Variants in FBXL13 observed in about 807,000 individuals in gnomAD.
FBXL13 encodes F-box and leucine rich repeat protein 13.
FBXL13 carries 67 observed loss-of-function variants against 83.6 expected under a neutral mutation model. The observed-to-expected ratio is 0.80, with a 90% CI of 0.66 to 0.98. The LOEUF is 0.98. Ranked by LOEUF, FBXL13 falls within the 50% of genes least tolerant of loss-of-function variation. FBXL13 has a pLI of 0.00. For synonymous variants in FBXL13, 272 were observed against 299.5 expected, an observed-to-expected ratio of 0.91 and a Z score of 0.95; for missense variants, 822 against 866.5, an observed-to-expected ratio of 0.95 and a Z score of 0.64.
Position 102,834,099 on chromosome 7 carries a change from A to G in FBXL13, c.1720-1125T>C, listed in dbSNP as rs1295554096. On this transcript the variant is annotated intron_variant, in intron 17 of 19. Transcript: ENST00000313221. ...AAGGAAGGAAAGAAAAGAAAGAAAGAAAGAAAGAAAGAAAGAAAGAAAGAA... is the reference window on the plus strand; with the variant it reads ...AAGGAAGGAAAGAAAAGAAAGAAAGGAAGAAAGAAAGAAAGAAAGAAAGAA... Among the ~76,000 whole-genome samples the G allele has an allele frequency of 8.8e-3, 852 of 96,320 alleles. 10 individuals carry two copies. Among genetic ancestry groups the G allele is most frequent in the Non-Finnish European group, 0.011 (553 of 50,776 alleles). The allele number at this position is 96,320 out of a possible 152,430, so 63.2% of individuals were successfully genotyped here.
At chr7:102,865,723 T>A (rs981270657) in intron 16 of FBXL13, among the ~76,000 whole-genome samples, 3 of 152,088 alleles carry the variant, frequency 2.0e-5, no homozygotes, top group Admixed American at 1.3e-4. Flanking sequence ...TGTTTTTTTT[T>A]TTAGTAGAGA....
chr7:103,039,478 A>G (rs1795426427), intron 2 of FBXL13, among the ~76,000 whole-genome samples: 1 of 152,158 alleles, frequency 6.6e-6, no homozygotes, highest in Non-Finnish European at 1.5e-5. Context: ...ACAGACACCA[A>G]CACAAAGATA....
chr7:102,912,683 C>A (rs934836855), intron 11 of FBXL13, among the ~76,000 whole-genome samples: 10 of 126,350 alleles, frequency 7.9e-5, no homozygotes, highest in East Asian at 5.6e-4. Flanking sequence ...CCCCCCCCCC[C>A]CAAAAAAAAA....
intron 17 of FBXL13, among the ~76,000 whole-genome samples, chr7:102,849,197 C>T (rs752278374): frequency 6.6e-6 from 1 of 152,210 alleles, no homozygotes; most frequent in Non-Finnish European, 1.5e-5. Flanking sequence ...TGCTCAGTTA[C>T]AGCTGCATCA....
At chr7:103,007,056 C>T (rs966481862) in intron 6 of FBXL13, among the ~76,000 whole-genome samples, 34 of 151,796 alleles carry the variant, frequency 2.2e-4, no homozygotes, top group South Asian at 1.0e-3. Flanking sequence ...GAAAGAAAAA[C>T]AAGGCTAAGA....
intron 2 of FBXL13, among the ~76,000 whole-genome samples, chr7:103,033,020 ACTCTCTCTCTCTGTCTGTCTGTCTCTGT>A (rs1189706642): frequency 2.0e-5 from 3 of 150,936 alleles, no homozygotes; most frequent in African/African-American, 4.9e-5. Flanking sequence ...ACAGAGTGAG[ACTCTCTCTCTCTGTCTGTCTGTCTCTGT>A]CTCTCTCTCT....
intron 16 of FBXL13, among the ~76,000 whole-genome samples, chr7:102,874,017 C>A (rs1217768842): frequency 6.6e-6 from 1 of 152,200 alleles, no homozygotes; most frequent in Non-Finnish European, 1.5e-5. Context: ...GTATTCTCAG[C>A]ACTGAGCACA....
intron 18 of FBXL13, among the ~76,000 whole-genome samples, chr7:102,829,709 G>T (rs1322856397): frequency 6.6e-6 from 1 of 152,128 alleles, no homozygotes; most frequent in African/African-American, 2.4e-5. Context: ...ACTGACCTTC[G>T]AGGTGAGGTG....
At chr7:103,062,025 C>CAA (rs59881447) in intron 1 of FBXL13, among the ~76,000 whole-genome samples, 2,401 of 99,714 alleles carry the variant, frequency 0.024, 72 homozygotes, top group East Asian at 0.037. Flanking sequence ...TCATAATTAC[C>CAA]AAAAAAAAAA....
intron 1 of FBXL13, among the ~76,000 whole-genome samples, chr7:103,060,018 TTTTATATATATATATATA>T (rs1272986446): frequency 1.7e-5 from 1 of 58,354 alleles, no homozygotes; most frequent in Non-Finnish European, 3.4e-5. Context: ...TAGCAAGATA[TTTTATATATATATATATA>T]TATATATATA....
At chr7:103,042,500 A>G (rs4729863) in intron 2 of FBXL13, among the ~76,000 whole-genome samples, 149,047 of 152,300 alleles carry the variant, frequency 0.98, 73,039 homozygotes, top group East Asian at 1. Flanking sequence ...AACCAAAAAA[A>G]AGCCCACATA....
chr7:102,911,923 C>T (rs759643175), intron 11 of FBXL13, among the ~76,000 whole-genome samples: 1 of 152,174 alleles, frequency 6.6e-6, no homozygotes, highest in African/African-American at 2.4e-5. Flanking sequence ...CCCCTCCTTG[C>T]CCCAACTCCC....
At chr7:102,912,564 C>A (rs937735993) in intron 11 of FBXL13, among the ~76,000 whole-genome samples, 3 of 151,982 alleles carry the variant, frequency 2.0e-5, no homozygotes, top group Admixed American at 2.0e-4. Flanking sequence ...TATTTTCCCA[C>A]GCAGATCTCA....
chr7:102,985,143 T>C (rs996627061), intron 6 of FBXL13, among the ~76,000 whole-genome samples: 1 of 152,204 alleles, frequency 6.6e-6, no homozygotes, highest in Admixed American at 6.5e-5. Flanking sequence ...TCACCATGTG[T>C]TGATGGCTTC....
At chr7:102,887,981 G>GT (rs1011488910) in intron 11 of FBXL13, among the ~76,000 whole-genome samples, 4 of 152,176 alleles carry the variant, frequency 2.6e-5, no homozygotes, top group African/African-American at 9.7e-5. Flanking sequence ...AAAAGATAGC[G>GT]TAAGGAAGCC....
chr7:102,957,368 T>C (rs1366187663), intron 8 of FBXL13, among the ~76,000 whole-genome samples: 7 of 152,136 alleles, frequency 4.6e-5, no homozygotes, highest in Non-Finnish European at 1.0e-4. Flanking sequence ...TCCTTACACC[T>C]TATACAAAAA....
At chr7:102,894,671 G>A (rs940538715) in intron 11 of FBXL13, among the ~76,000 whole-genome samples, 2 of 151,274 alleles carry the variant, frequency 1.3e-5, no homozygotes, top group African/African-American at 4.9e-5. Context: ...TGAGGCTACA[G>A]TGAGCTATGA....
intron 6 of FBXL13, among the ~76,000 whole-genome samples, chr7:103,014,921 C>CAAAAAAAAA: frequency 4.9e-5 from 1 of 20,612 alleles, no homozygotes; most frequent in Non-Finnish European, 1.3e-4. Flanking sequence ...GACTCCGTCT[C>CAAAAAAAAA]AAAAAAAAAA....
At chr7:103,069,701 G>A (rs944307538) in intron 1 of FBXL13, among the ~76,000 whole-genome samples, 1 of 152,198 alleles carries the variant, frequency 6.6e-6, no homozygotes, top group African/African-American at 2.4e-5. Flanking sequence ...ACAGAGGAAA[G>A]GACGAACCTT....
Sources: allele counts gnomAD v4.1 joint callset (sites outside exome capture counted in the v4.1 genomes callset), GRCh38; gene constraint gnomAD v4.1.1; transcripts MANE v1.5; gene names NCBI Gene and HGNC (gene_info 2026-07-23, HGNC 2026-07-21).